The following ZNF548 variants were observed in gnomAD, a reference collection of about 807,000 sequenced individuals.
The protein encoded by ZNF548 is zinc finger protein 548.
ZNF548 carries 10 observed loss-of-function variants against 10.2 expected under a neutral mutation model. The observed-to-expected ratio is 0.98, with a 90% CI of 0.60 to 1.66. The LOEUF (loss-of-function observed/expected upper bound fraction) is 1.66. ZNF548 is among the 40% of genes most tolerant of loss of function. The probability of loss-of-function intolerance (pLI) is 0.00; values close to 1 mark genes in which losing one functional copy is unlikely to be tolerated. For missense variants in ZNF548, 599 were observed against 657.0 expected, an observed-to-expected ratio of 0.91 and a Z score of 0.97; for synonymous variants, 217 against 223.5, an observed-to-expected ratio of 0.97 and a Z score of 0.26.
At position 57,399,483 on chromosome 19, in the gene ZNF548, G is replaced by A. The variant is rs767798251; in HGVS notation, c.1232G>A (p.Gly411Glu). The A allele has an allele frequency of 6.2e-7, 1 of 1,614,036 alleles. No individual in the cohort carries two copies. Among genetic ancestry groups the A allele is most frequent in the East Asian group, 2.2e-5 (1 of 44,868 alleles). Residue 411 changes from glycine to glutamate, a missense_variant, in exon 4 of 4, where the codon GGG (glycine) becomes GAG (glutamate). Transcript: ENST00000336128. This position sits in a 1 kb window ranked among gnomAD's most constrained non-coding sequence, Gnocchi z 4.0. ...GERPYKCSEC[G>E]KSFRYHCRLI... ...AGGCCTTATAAATGCAGTGAATGTG[G>A]GAAATCATTTAGGTACCACTGCAGG...
Position 57,399,185 on chromosome 19 carries a change from C to G in ZNF548, c.934C>G (p.Gln312Glu), listed in dbSNP as rs1167681878. ...GTACAGCTCCACATTTGTTAGACAT[C>G]AGAGAGTTCACACCGGAGAAAGGCC... Reference protein sequence around the residue: ...FRYSSTFVRHQRVHTGERPYE... With the variant: ...FRYSSTFVRHERVHTGERPYE... The change falls in exon 4 of 4, where the codon CAG becomes GAG. Residue 312 changes from glutamine to glutamate, a missense_variant. Gln to Glu is a conservative substitution (Grantham distance 29, BLOSUM62 2). Transcript: ENST00000336128. The surrounding 1 kb of genome is among the most constrained non-coding windows in gnomAD (Gnocchi z 4.0). 5.6e-6 allele frequency: 9 copies of G among 1,613,466 alleles called. No individual in the cohort carries two copies. The highest frequency in any genetic ancestry group is 7.6e-6 in the Non-Finnish European group (9 of 1,179,934).
Position 57,389,875 on chromosome 19 carries a change from G to T in ZNF548, c.-225G>T. The T allele has an allele frequency of 2.0e-6, 1 of 493,654 alleles. No individual in the cohort carries two copies. The highest frequency in any genetic ancestry group is 3.6e-6 in the Non-Finnish European group (1 of 279,294). 30.6% of individuals were successfully genotyped at this position (493,654 alleles called of 1,614,324 possible). On this transcript the variant is annotated 5_prime_UTR_variant, in exon 1 of 4. Transcript: ENST00000336128. ...GGGCGGGACTTCCGCCGTCCTCCTG[G>T]TGGTGGTCGTTTTGGTTCTGTGTGG...
rs183935665 is a variant in ZNF548, at chr19:57,399,997, C to T, written c.*108C>T. 15 of 840,796 alleles carry T rather than the reference C, an allele frequency of 1.8e-5. No homozygotes were observed. The East Asian group carries it at 4.0e-4, about 22-fold the overall frequency. 52.1% of individuals were successfully genotyped at this position (840,796 alleles called of 1,614,324 possible). On this transcript the variant is annotated 3_prime_UTR_variant, in exon 4 of 4. Transcript: ENST00000336128. The surrounding 1 kb of genome is among the most constrained non-coding windows in gnomAD (Gnocchi z 4.0). ...AGTAAAATGCTGTACCCATTAACAA[C>T]AACTCATTCCCCTTCCCTACTTCCC...
Position 57,399,077 on chromosome 19 carries a change from T to C in ZNF548, c.826T>C (p.Tyr276His). ...CAGAGAATGTGGAAAATCCTTTATG[T>C]ACAACTACCGACTCATGAGACATAA... ...ECRECGKSFM[Y>H]NYRLMRHKRV... Residue 276 changes from tyrosine to histidine, a missense_variant, in exon 4 of 4, where the codon TAC (tyrosine) becomes CAC (histidine). Transcript: ENST00000336128. This position sits in a 1 kb window ranked among gnomAD's most constrained non-coding sequence, Gnocchi z 4.0. 2 of 1,614,232 alleles carry C rather than the reference T, an allele frequency of 1.2e-6. No homozygotes were observed. The highest frequency in any genetic ancestry group is 1.7e-6 in the Non-Finnish European group (2 of 1,180,032).
chr19:57,399,442 A>G lies in ZNF548; in HGVS notation c.1191A>G (p.Arg397=). The G allele has an allele frequency of 6.2e-7, 1 of 1,614,138 alleles. No homozygotes were observed. The highest frequency in any genetic ancestry group is 1.3e-5 in the African/African-American group (1 of 75,024). Reference sequence around the variant, plus strand: ...ACTCCAGCCTTGTTAAACATTGGAGAAATCACACTGGAGAAAGGCCTTATA... The same window carrying G: ...ACTCCAGCCTTGTTAAACATTGGAGGAATCACACTGGAGAAAGGCCTTATA... ...RYNSSLVKHW[R]NHTGERPYKC... Residue 397 remains arginine (R), a synonymous_variant, in exon 4 of 4, where the codon AGA becomes AGG. Transcript: ENST00000336128. This position sits in a 1 kb window ranked among gnomAD's most constrained non-coding sequence, Gnocchi z 4.0.
chr19:57,390,347 C>A (rs2088614407), intron 1 of ZNF548: 1 of 417,658 alleles, frequency 2.4e-6, no homozygotes, highest in African/African-American at 2.0e-5. Flanking sequence ...TGTGTTGTTT[C>A]TGCGGGAAAG....
chr19:57,398,746 C>A lies in ZNF548; in HGVS notation c.495C>A (p.Phe165Leu). ...NHRVHMAEEI[F>L]TCMEGWKDLP... Reference sequence around the variant, plus strand: ...GAGTTCACATGGCAGAGGAGATCTTCACATGCATGGAGGGCTGGAAGGACT... The same window carrying A: ...GAGTTCACATGGCAGAGGAGATCTTAACATGCATGGAGGGCTGGAAGGACT... The change falls in exon 4 of 4, where the codon TTC becomes TTA. Residue 165 changes from phenylalanine to leucine, a missense_variant. Physicochemically the swap from Phe to Leu is conservative, Grantham distance 22 (BLOSUM62 0). Coordinates refer to ENST00000336128, the MANE Select transcript of ZNF548 (RefSeq NM_001172773.2). 1 of 1,614,078 alleles carries A rather than the reference C, an allele frequency of 6.2e-7. No individual in the cohort carries two copies. Among genetic ancestry groups the A allele is most frequent in the Non-Finnish European group, 8.5e-7 (1 of 1,179,938 alleles).
Position 57,398,404 on chromosome 19 carries a change from C to T in ZNF548, c.179-26C>T, listed in dbSNP as rs370584840. The T allele has an allele frequency of 4.4e-5, 71 of 1,604,950 alleles. No individual in the cohort carries two copies. The East Asian group carries it at 8.3e-4, about 19-fold the overall frequency. On this transcript the variant is annotated intron_variant, in intron 3 of 3. Transcript: ENST00000336128. ...TTCCTCCCACCAGAGTCAACATGCA[C>T]TTCTCCAGCATTTCTGTTCTGACAG...
At position 57,399,590 on chromosome 19, in the gene ZNF548, A is replaced by G; in HGVS notation, c.1339A>G (p.Asn447Asp). ...ECGKFFRYNS[N>D]LIKHWRNHTG... Reference sequence around the variant, plus strand: ...CGGGAAATTCTTTCGTTACAACTCCAACCTCATTAAACATTGGAGAAATCA... The same window carrying G: ...CGGGAAATTCTTTCGTTACAACTCCGACCTCATTAAACATTGGAGAAATCA... Residue 447 changes from asparagine (N) to aspartate (D), a missense_variant, in exon 4 of 4, where the codon AAC becomes GAC. Asn to Asp is a conservative substitution (Grantham distance 23). Coordinates refer to ENST00000336128, the MANE Select transcript of ZNF548 (RefSeq NM_001172773.2). The surrounding 1 kb of genome is among the most constrained non-coding windows in gnomAD (Gnocchi z 4.0). The G allele has an allele frequency of 6.2e-7, 1 of 1,614,084 alleles. No homozygotes were observed. Among genetic ancestry groups the G allele is most frequent in the Non-Finnish European group, 8.5e-7 (1 of 1,179,992 alleles).
In ZNF548 at chr19:57,397,049, G is replaced by T. The variant is rs1158490597; in HGVS notation, c.53G>T (p.Gly18Val). 1.2e-6 allele frequency: 2 copies of T among 1,609,220 alleles called. No homozygotes were observed. Among genetic ancestry groups the T allele is most frequent in the Admixed American group, 3.4e-5 (2 of 58,438 alleles). ...TATTCATCTTTCCCAATTTGGCAGGGCCGTGTGGTCTTTGAGGACGTGGCC... is the reference window on the plus strand; with the variant it reads ...TATTCATCTTTCCCAATTTGGCAGGTCCGTGTGGTCTTTGAGGACGTGGCC... ...LAMAEMDPTQ[G>V]RVVFEDVAIY... Residue 18 changes from glycine to valine, a missense_variant and splice_region_variant, in exon 3 of 4, where the codon GGC (glycine) becomes GTC (valine). Gly to Val is a moderately radical substitution (Grantham distance 109, BLOSUM62 -3). Coordinates refer to ENST00000336128, the MANE Select transcript of ZNF548 (RefSeq NM_001172773.2).
Position 57,389,887 on chromosome 19 carries a change from T to G in ZNF548, c.-213T>G. ...CGCCGTCCTCCTGGTGGTGGTCGTTTTGGTTCTGTGTGGTGTTTCACCAAC... is the reference window on the plus strand; with the variant it reads ...CGCCGTCCTCCTGGTGGTGGTCGTTGTGGTTCTGTGTGGTGTTTCACCAAC... On this transcript the variant is annotated 5_prime_UTR_variant, in exon 1 of 4. Coordinates refer to ENST00000336128, the MANE Select transcript of ZNF548 (RefSeq NM_001172773.2). 2.0e-6 allele frequency: 1 copy of G among 509,338 alleles called. No individual in the cohort carries two copies. The allele number at this position is 509,338 out of a possible 1,614,324, so 31.6% of individuals were successfully genotyped here. A position where few individuals can be genotyped will look rare whatever the true frequency, so the allele number is the denominator to read the frequency against.
Position 57,399,091 on chromosome 19 carries a change from CAT to C in ZNF548, c.841_842del (p.Met281GlufsTer3). 1 of 1,614,230 alleles carries C rather than the reference CAT, an allele frequency of 6.2e-7. No homozygotes were observed. Among genetic ancestry groups the C allele is most frequent in the Non-Finnish European group, 8.5e-7 (1 of 1,180,044 alleles). On this transcript the variant is annotated frameshift_variant, in exon 4 of 4. Transcript: ENST00000336128. LOFTEE classifies it low-confidence loss of function (END_TRUNC). This position sits in a 1 kb window ranked among gnomAD's most constrained non-coding sequence, Gnocchi z 4.0. ...GKSFMYNYRL[M>X]RHKRVHTGER... ...AATCCTTTATGTACAACTACCGACT[CAT>C]GAGACATAAGCGAGTTCACACTGGA...
At chr19:57,394,579 G>A (rs958578990) in intron 2 of ZNF548, among the ~76,000 whole-genome samples, 1 of 152,198 alleles carries the variant, frequency 6.6e-6, no homozygotes, top group Admixed American at 6.5e-5. Context: ...TGGAATGACA[G>A]CCTAGGTCCT....
chr19:57,390,770 C>A (rs906454141), intron 1 of ZNF548: 1 of 152,204 alleles, frequency 6.6e-6, no homozygotes. Flanking sequence ...GGGAGAAGAT[C>A]ACAGGTTGGA....
intron 1 of ZNF548, chr19:57,390,373 T>C: frequency 5.0e-6 from 2 of 398,664 alleles, no homozygotes; most frequent in Non-Finnish European, 9.0e-6. Flanking sequence ...GTTTTGTGAA[T>C]TCTCGCTTGG....
intron 1 of ZNF548, chr19:57,393,917 A>G (rs1336435393): frequency 9.0e-6 from 5 of 554,552 alleles, no homozygotes; most frequent in South Asian, 7.2e-5. Context: ...CCGCTGATAT[A>G]TATAGTACAT....
chr19:57,396,943 G>A, intron 2 of ZNF548, 105 bp from the exon 3 acceptor site: 2 of 1,462,688 alleles, frequency 1.4e-6, no homozygotes, highest in Non-Finnish European at 9.2e-7. Flanking sequence ...CTGTTAGTTT[G>A]GCCCTGTGTT....
rs773954231 is a variant in ZNF548, at chr19:57,397,023, G to A, written c.52-25G>A. ...TACAGCTTGAAAAGAAGCTGCTTAT[G>A]TATTCATCTTTCCCAATTTGGCAGG... On this transcript the variant is annotated intron_variant, in intron 2 of 3. Coordinates refer to ENST00000336128, the MANE Select transcript of ZNF548 (RefSeq NM_001172773.2). The A allele has an allele frequency of 3.1e-6, 5 of 1,596,844 alleles. No homozygotes were observed. In the Admixed American group the frequency reaches 5.5e-5, roughly 17 times the overall value.
At chr19:57,394,099 C>G in intron 1 of ZNF548, 89 bp from the exon 2 acceptor site, 1 of 1,397,342 alleles carries the variant, frequency 7.2e-7, no homozygotes, top group Non-Finnish European at 9.8e-7. Flanking sequence ...CAGTTTGCTC[C>G]CAGGCAGGGC....
Sources: allele counts gnomAD v4.1 joint callset (sites outside exome capture counted in the v4.1 genomes callset), GRCh38; gene constraint gnomAD v4.1.1; non-coding constraint Gnocchi (gnomAD v3.1); transcripts MANE v1.5; gene names NCBI Gene and HGNC (gene_info 2026-07-23, HGNC 2026-07-21).